SAMD3: variants seen among roughly 807,000 people sequenced by gnomAD.
SAMD3 encodes sterile alpha motif domain containing 3, also known as sterile alpha motif domain-containing protein 3.
In SAMD3, 63 loss-of-function variants were observed where a neutral mutation model predicts 58.5. That is an observed-to-expected ratio of 1.08 (90% confidence interval 0.88 to 1.33). The LOEUF (loss-of-function observed/expected upper bound fraction) is 1.33. SAMD3 is among the 40% of genes most tolerant of loss of function. The pLI is 0.00. For synonymous variants in SAMD3, 220 were observed against 210.3 expected (o/e 1.05, Z -0.40); for missense variants, 604 against 608.4 (o/e 0.99, Z 0.08).
In SAMD3 at chr6:130,317,309, A is replaced by T. The variant is rs567679479; in HGVS notation, c.-303-4216T>A. Among the ~76,000 whole-genome samples, 3 of 152,300 alleles carry T rather than the reference A, an allele frequency of 2.0e-5. No individual in the cohort carries two copies. The South Asian group carries it at 6.2e-4, about 32-fold the overall frequency. ...ATGGCCAGTTCATGAGAACTTTCCA[A>T]AGAAGAACCACAAAGAGCTCACAGA... On this transcript the variant is annotated intron_variant, in intron 1 of 13. Transcript: ENST00000368134.
chr6:130,315,143 A>G (rs1776318497), intron 1 of SAMD3, among the ~76,000 whole-genome samples: 1 of 152,136 alleles, frequency 6.6e-6, no homozygotes, highest in Admixed American at 6.5e-5. Context: ...TTATATTGGC[A>G]TGTTGTGTAA....
chr6:130,200,623 T>G (rs11964484), intron 5 of SAMD3, among the ~76,000 whole-genome samples: 3,354 of 150,024 alleles, frequency 0.022, 46 homozygotes, highest in Non-Finnish European at 0.027. Context: ...AATGGTTCAG[T>G]AGTACTATTT....
intron 2 of SAMD3, among the ~76,000 whole-genome samples, chr6:130,311,881 C>A (rs1776181853): frequency 6.6e-6 from 1 of 152,142 alleles, no homozygotes; most frequent in Non-Finnish European, 1.5e-5. Context: ...GAATAGATTT[C>A]ATTCCCCATC....
At chr6:130,189,197 C>A (rs973240324) in intron 5 of SAMD3, among the ~76,000 whole-genome samples, 1 of 151,688 alleles carries the variant, frequency 6.6e-6, no homozygotes, top group Non-Finnish European at 1.5e-5. Context: ...GAAGCCCTAA[C>A]CTCCAACGTG....
intron 1 of SAMD3, among the ~76,000 whole-genome samples, chr6:130,352,714 G>C (rs1323330621): frequency 6.6e-6 from 1 of 152,098 alleles, no homozygotes; most frequent in Non-Finnish European, 1.5e-5. Context: ...TTGAATAGTA[G>C]ACCTTAATTT....
chr6:130,226,347 TTC>T (rs1432662411), upstream of SAMD3, among the ~76,000 whole-genome samples: 2 of 152,158 alleles, frequency 1.3e-5, no homozygotes, highest in Non-Finnish European at 2.9e-5. Context: ...GTAGAGTGAG[TTC>T]TTATAGTATT....
rs552317980 is a variant in SAMD3, at chr6:130,179,112, G to A, written c.655-3104C>T. On this transcript the variant is annotated intron_variant, in intron 7 of 11. Coordinates refer to ENST00000439090, the MANE Select transcript of SAMD3 (RefSeq NM_001017373.4). The stretch of plus-strand genomic sequence containing the variant: ...GGTGGGAGGTATTATAGCAATCAAC[G>A]GCTAGGACATTTTTAAATTGCCAAT... Among the ~76,000 whole-genome samples, 438 of 152,204 alleles carry A rather than the reference G, an allele frequency of 2.9e-3. 1 individual carries two copies. Among genetic ancestry groups the A allele is most frequent in the African/African-American group, 8.5e-3 (351 of 41,508 alleles).
At chr6:130,183,030 A>G in intron 7 of SAMD3, 1 of 259,524 alleles carries the variant, frequency 3.9e-6, no homozygotes. Flanking sequence ...GTACAGTTCA[A>G]TAGTGTTGAT....
At chr6:130,284,956 G>T (rs1775106633) in intron 2 of SAMD3, among the ~76,000 whole-genome samples, 1 of 152,194 alleles carries the variant, frequency 6.6e-6, no homozygotes, top group African/African-American at 2.4e-5. Flanking sequence ...AAGCAGACAT[G>T]TAAAATTCTT....
At chr6:130,354,595 T>C (rs1304731721) in intron 1 of SAMD3, among the ~76,000 whole-genome samples, 1 of 152,144 alleles carries the variant, frequency 6.6e-6, no homozygotes, top group Admixed American at 6.5e-5. Context: ...ATATCACATG[T>C]TCTCACTTAT....
chr6:130,280,086 T>C (rs1370160290), intron 2 of SAMD3, among the ~76,000 whole-genome samples: 7 of 152,318 alleles, frequency 4.6e-5, no homozygotes, highest in Admixed American at 1.3e-4. Flanking sequence ...TTTCCCTCTT[T>C]CTTATCACCA....
intron 2 of SAMD3, among the ~76,000 whole-genome samples, chr6:130,231,822 C>T (rs59760507): frequency 0.16 from 24,449 of 151,214 alleles, 2,146 homozygotes; most frequent in East Asian, 0.36. Flanking sequence ...GTTTTTTTTT[C>T]CCACACTGTT....
At chr6:130,314,555 T>C (rs1776295101) in intron 1 of SAMD3, among the ~76,000 whole-genome samples, 1 of 152,364 alleles carries the variant, frequency 6.6e-6, no homozygotes, top group Admixed American at 6.5e-5. Context: ...TACTTGCTCA[T>C]GCATAATTCC....
At chr6:130,330,257 G>A (rs548123127) in intron 1 of SAMD3, among the ~76,000 whole-genome samples, 37 of 152,262 alleles carry the variant, frequency 2.4e-4, no homozygotes, top group African/African-American at 8.7e-4. Context: ...GCACTTGTAC[G>A]TAATAGAGGG....
intron 5 of SAMD3, among the ~76,000 whole-genome samples, chr6:130,194,259 G>A (rs1035535308): frequency 1.6e-4 from 25 of 152,082 alleles, no homozygotes; most frequent in African/African-American, 3.6e-4. Flanking sequence ...ACTCTTTTTC[G>A]TCAAATATAA....
At chr6:130,207,829 A>C (rs1795212961) in intron 5 of SAMD3, among the ~76,000 whole-genome samples, 1 of 152,172 alleles carries the variant, frequency 6.6e-6, no homozygotes, top group African/African-American at 2.4e-5. Flanking sequence ...GTGGGGCTAG[A>C]GGTGAGGTCC....
At position 130,273,205 on chromosome 6, in the gene SAMD3, A is replaced by G. The variant is rs537032360; in HGVS notation, c.-188+39773T>C. ...TTTACAAATGATGGTAGGTGCACACATATTTATTATTGTTATATCTTCCTG... is the reference window on the plus strand; with the variant it reads ...TTTACAAATGATGGTAGGTGCACACGTATTTATTATTGTTATATCTTCCTG... On this transcript the variant is annotated intron_variant, in intron 2 of 13. Transcript: ENST00000368134. 1.0e-3 allele frequency among the ~76,000 whole-genome samples: 154 copies of G among 152,108 alleles called. 1 individual carries two copies. Among genetic ancestry groups the G allele is most frequent in the African/African-American group, 3.5e-3 (145 of 41,516 alleles).
intron 1 of SAMD3, among the ~76,000 whole-genome samples, chr6:130,347,371 G>T (rs1484354208): frequency 6.6e-6 from 1 of 152,172 alleles, no homozygotes; most frequent in African/African-American, 2.4e-5. Flanking sequence ...CAAATGCAGA[G>T]AAGTCCTTAA....
chr6:130,260,303 G>A (rs1774076776), intron 2 of SAMD3, among the ~76,000 whole-genome samples: 2 of 152,222 alleles, frequency 1.3e-5, no homozygotes, highest in Non-Finnish European at 2.9e-5. Context: ...CCCAGACCTA[G>A]CAACTGATGT....
Sources: gnomAD v4.1 joint callset for allele counts (sites outside exome capture counted in the v4.1 genomes callset) on GRCh38, gnomAD v4.1.1 for gene constraint, MANE v1.5 for transcripts, NCBI Gene and HGNC (gene_info 2026-07-23, HGNC 2026-07-21) for gene names.